PRKN: variants seen among roughly 807,000 people sequenced by gnomAD.
PRKN encodes the protein parkin RBR E3 ubiquitin protein ligase.
A neutral mutation model predicts 59.5 loss-of-function variants in PRKN; 56 were observed. That is an observed-to-expected ratio of 0.94 (90% CI 0.76 to 1.18). The LOEUF (loss-of-function observed/expected upper bound fraction) is 1.18. Ranked by LOEUF, PRKN falls within the 50% of genes most tolerant of loss-of-function variation. The probability of loss-of-function intolerance (pLI) is 0.00; values close to 1 mark genes in which losing one functional copy is unlikely to be tolerated. For missense variants in PRKN, 657 were observed against 596.4 expected, an observed-to-expected ratio of 1.10 and a Z score of -1.06; for synonymous variants, 250 against 222.1, an observed-to-expected ratio of 1.13 and a Z score of -1.12.
intron 6 of PRKN, among the ~76,000 whole-genome samples, chr6:161,924,487 A>C (rs1412230757): frequency 6.6e-6 from 1 of 152,256 alleles, no homozygotes; most frequent in Non-Finnish European, 1.5e-5. Context: ...CCTGACACAC[A>C]GCAAGATTTT....
In PRKN at chr6:161,913,591, C is replaced by T. The variant is rs142285894; in HGVS notation, c.734+59711G>A. Among the ~76,000 whole-genome samples, 649 of 152,240 alleles carry T rather than the reference C, an allele frequency of 4.3e-3. 9 individuals are homozygous for T. Among genetic ancestry groups the T allele is most frequent in the African/African-American group, 0.013 (534 of 41,542 alleles). On this transcript the variant is annotated intron_variant, in intron 6 of 11. Transcript: ENST00000366898. Reference sequence around the variant, plus strand: ...GAGGTGATGTGAGGCTCATGAACCACTTGTTGAGAGCAATCATTGTTTACA... The same window carrying T: ...GAGGTGATGTGAGGCTCATGAACCATTTGTTGAGAGCAATCATTGTTTACA...
intron 1 of PRKN, among the ~76,000 whole-genome samples, chr6:162,446,078 T>C (rs1289132365): frequency 1.3e-5 from 2 of 152,146 alleles, no homozygotes; most frequent in Non-Finnish European, 1.5e-5. Context: ...TGATACACTT[T>C]TAAGTCAATT....
chr6:162,627,644 G>A (rs1489625711), intron 1 of PRKN, among the ~76,000 whole-genome samples: 1 of 152,162 alleles, frequency 6.6e-6, no homozygotes, highest in African/African-American at 2.4e-5. Context: ...TAGGCAGGGT[G>A]AACGCAGGTG....
chr6:162,117,285 G>A (rs191050723), intron 4 of PRKN, among the ~76,000 whole-genome samples: 7 of 152,298 alleles, frequency 4.6e-5, no homozygotes, highest in South Asian at 2.1e-4. Context: ...GATTCCAAGT[G>A]GGAGTCATGT....
At chr6:162,107,834 T>C (rs1318068719) in intron 4 of PRKN, among the ~76,000 whole-genome samples, 1 of 152,204 alleles carries the variant, frequency 6.6e-6, no homozygotes, top group Non-Finnish European at 1.5e-5. Flanking sequence ...ACTTTTCCTA[T>C]TTCTTACTCC....
At chr6:162,422,393 C>T (rs944969699) in intron 2 of PRKN, among the ~76,000 whole-genome samples, 2 of 152,060 alleles carry the variant, frequency 1.3e-5, no homozygotes, top group African/African-American at 4.8e-5. Context: ...ATGCATTGGC[C>T]ACAGCATGAA....
intron 2 of PRKN, among the ~76,000 whole-genome samples, chr6:162,360,781 G>A (rs1237966607): frequency 5.9e-5 from 9 of 152,122 alleles, no homozygotes; most frequent in African/African-American, 1.9e-4. Context: ...ACGGGCCAGT[G>A]CTTACTAAGA....
chr6:161,490,154 T>C (rs1777493964), intron 9 of PRKN, among the ~76,000 whole-genome samples: 1 of 152,174 alleles, frequency 6.6e-6, no homozygotes, highest in Non-Finnish European at 1.5e-5. Flanking sequence ...AAAGAGGAGC[T>C]GACAAACATA....
intron 6 of PRKN, among the ~76,000 whole-genome samples, chr6:161,958,366 C>T (rs1010565075): frequency 6.6e-6 from 1 of 151,930 alleles, no homozygotes; most frequent in Non-Finnish European, 1.5e-5. Context: ...AAGTTTATTC[C>T]CTAACTTTTC....
intron 1 of PRKN, among the ~76,000 whole-genome samples, chr6:162,519,787 A>G (rs1238185126): frequency 6.6e-6 from 1 of 152,202 alleles, no homozygotes; most frequent in East Asian, 1.9e-4. Context: ...TTGGGTAAGA[A>G]GAAGAGATCC....
intron 6 of PRKN, among the ~76,000 whole-genome samples, chr6:161,796,595 A>T (rs1343786867): frequency 6.6e-6 from 1 of 152,222 alleles, no homozygotes; most frequent in Admixed American, 6.5e-5. Context: ...GCTCATAAAA[A>T]ATTATCACGA....
chr6:161,633,566 T>TCA (rs1783395110), intron 7 of PRKN, among the ~76,000 whole-genome samples: 1 of 152,214 alleles, frequency 6.6e-6, no homozygotes. Context: ...AAAAGCCACA[T>TCA]CATACTGTGG....
intron 7 of PRKN, among the ~76,000 whole-genome samples, chr6:161,706,302 C>T (rs983241006): frequency 3.9e-5 from 6 of 152,318 alleles, no homozygotes; most frequent in Non-Finnish European, 5.9e-5. Flanking sequence ...AGATCCCACC[C>T]GCTTTTCAGG....
Position 161,527,093 on chromosome 6 carries a change from T to C in PRKN, c.1083+21761A>G, listed in dbSNP as rs1290466320. Among the ~76,000 whole-genome samples the C allele has an allele frequency of 6.6e-6, 1 of 152,186 alleles. No individual in the cohort carries two copies. The highest frequency in any genetic ancestry group is 1.5e-5 in the Non-Finnish European group (1 of 68,024). Reference sequence around the variant, plus strand: ...TGTGACAGAGTCTGTCTGGGTAAGGTATCACCTCCAATCTTACCTCCTGTG... The same window carrying C: ...TGTGACAGAGTCTGTCTGGGTAAGGCATCACCTCCAATCTTACCTCCTGTG... On this transcript the variant is annotated intron_variant, in intron 9 of 11. Transcript: ENST00000366898. The surrounding 1 kb of genome is among the most constrained non-coding windows in gnomAD (Gnocchi z 4.6).
chr6:161,924,888 AC>A (rs903326931), intron 6 of PRKN, among the ~76,000 whole-genome samples: 4 of 152,226 alleles, frequency 2.6e-5, no homozygotes, highest in African/African-American at 9.7e-5. Flanking sequence ...CTGTGGAAGT[AC>A]CCTGTGAGTA....
At chr6:161,757,920 C>T (rs1318564597) in intron 7 of PRKN, among the ~76,000 whole-genome samples, 1 of 120,644 alleles carries the variant, frequency 8.3e-6, no homozygotes, top group Non-Finnish European at 1.7e-5. Context: ...CACACACACA[C>T]ATCTCTCTCT....
chr6:161,625,839 T>C (rs1446843550), intron 7 of PRKN, among the ~76,000 whole-genome samples: 4 of 152,164 alleles, frequency 2.6e-5, no homozygotes, highest in Non-Finnish European at 4.4e-5. Context: ...GGTTTATTGA[T>C]ACCCTTCCCT....
rs552909048 is a variant in PRKN, at chr6:162,114,190, C to T, written c.535-60016G>A. On this transcript the variant is annotated intron_variant, in intron 4 of 11. Coordinates refer to ENST00000366898, the MANE Select transcript of PRKN (RefSeq NM_004562.3). ...TTCTTTTGGCTCAGGATTGACTTGG[C>T]GATGCGGGCTCTTTTTTGGTTCCAT... Among the ~76,000 whole-genome samples the T allele has an allele frequency of 8.6e-3, 1,313 of 152,082 alleles. 16 individuals carry two copies. The highest frequency in any genetic ancestry group is 0.03 in the African/African-American group (1,241 of 41,422).
chr6:161,777,807 T>TAC (rs1790009180), intron 7 of PRKN, among the ~76,000 whole-genome samples: 1 of 142,672 alleles, frequency 7.0e-6, no homozygotes, highest in African/African-American at 2.7e-5. Flanking sequence ...TATGTATATA[T>TAC]GTATATATGT....
Sources: allele counts gnomAD v4.1 joint callset (sites outside exome capture counted in the v4.1 genomes callset), GRCh38; gene constraint gnomAD v4.1.1; non-coding constraint Gnocchi (gnomAD v3.1); transcripts MANE v1.5; gene names NCBI Gene and HGNC (gene_info 2026-07-23, HGNC 2026-07-21).